The following FBXW7 variants were observed in gnomAD, a reference collection of about 807,000 sequenced individuals.
The protein encoded by FBXW7 is F-box/WD repeat-containing protein 7.
In FBXW7, 11 loss-of-function variants were observed where a neutral mutation model predicts 86.3. The ratio of observed to expected loss-of-function variants is 0.13; its 90% confidence interval spans 0.08 to 0.21. FBXW7 has a LOEUF of 0.21. Among genes scored for constraint, FBXW7 ranks in the 10% least tolerant of loss-of-function variants. The probability of loss-of-function intolerance (pLI) is 1.00; values close to 1 mark genes in which losing one functional copy is unlikely to be tolerated. For synonymous variants in FBXW7, 313 were observed against 297.9 expected (o/e 1.05, Z -0.52); for missense variants, 488 against 847.4 (o/e 0.58, Z 5.27).
intron 2 of FBXW7, among the ~76,000 whole-genome samples, chr4:152,436,293 T>C (rs1228093148): frequency 6.6e-6 from 1 of 152,236 alleles, no homozygotes; most frequent in African/African-American, 2.4e-5. Flanking sequence ...AACCATAACA[T>C]TTCCTTAGAC....
chr4:152,392,387 G>A (rs908730857), intron 4 of FBXW7, among the ~76,000 whole-genome samples: 2 of 152,136 alleles, frequency 1.3e-5, no homozygotes, highest in African/African-American at 4.8e-5. Context: ...TGGCTAAGTA[G>A]TACCTTCAGG....
intron 4 of FBXW7, among the ~76,000 whole-genome samples, chr4:152,395,723 A>G (rs750831214): frequency 6.6e-6 from 1 of 151,968 alleles, no homozygotes; most frequent in African/African-American, 2.4e-5. Context: ...AACTATCGTA[A>G]TTTTGCAATG....
intron 4 of FBXW7, among the ~76,000 whole-genome samples, chr4:152,389,564 A>C (rs1735825992): frequency 1.3e-5 from 2 of 152,204 alleles, no homozygotes; most frequent in Admixed American, 1.3e-4. Context: ...AAGTGTACAC[A>C]TGAACATGGA....
At chr4:152,352,931 T>C (rs1731990381) in intron 4 of FBXW7, 4 of 1,415,362 alleles carry the variant, frequency 2.8e-6, no homozygotes, top group Non-Finnish European at 3.7e-6. Context: ...ATCAATTATA[T>C]GGTGATCCGC....
At chr4:152,474,245 G>A (rs887129340) in intron 2 of FBXW7, among the ~76,000 whole-genome samples, 2 of 152,206 alleles carry the variant, frequency 1.3e-5, no homozygotes, top group African/African-American at 4.8e-5. Flanking sequence ...TGAATTCAGC[G>A]ACTGTATGCT....
intron 4 of FBXW7, among the ~76,000 whole-genome samples, chr4:152,403,511 G>A (rs1230245885): frequency 1.3e-5 from 2 of 151,696 alleles, no homozygotes; most frequent in South Asian, 2.1e-4. Flanking sequence ...GTTTTAAAAC[G>A]GTAGTCACCA....
chr4:152,332,647 T>G lies in FBXW7; in HGVS notation c.934A>C (p.Arg312=). 6.2e-7 allele frequency: 1 copy of G among 1,607,502 alleles called. No individual in the cohort carries two copies. Among genetic ancestry groups the G allele is most frequent in the Non-Finnish European group, 8.5e-7 (1 of 1,175,718 alleles). ...LQAAQTCRYW[R]ILAEDNLLWR... ...AGAAGGTTGTCTTCAGCCAAAATTC[T>G]CCAGTAGCGACATGTCTGAGCTGCT... The change falls in exon 8 of 14, where the codon AGA becomes CGA. Residue 312 remains arginine (R), a synonymous_variant. Coordinates refer to ENST00000281708, the MANE Select transcript of FBXW7 (RefSeq NM_001349798.2).
At chr4:152,346,532 CA>C (rs1330020075) in intron 6 of FBXW7, among the ~76,000 whole-genome samples, 1 of 152,112 alleles carries the variant, frequency 6.6e-6, no homozygotes, top group African/African-American at 2.4e-5. Context: ...TTGAAATAAA[CA>C]GCACATAACA....
chr4:152,441,121 C>G (rs1176084021), intron 2 of FBXW7, among the ~76,000 whole-genome samples: 1 of 152,124 alleles, frequency 6.6e-6, no homozygotes, highest in Non-Finnish European at 1.5e-5. Flanking sequence ...TATTCAGCAA[C>G]TCGAACTTAT....
rs756647667 is a variant in FBXW7 at position 152,411,519 on chromosome 4, T to A, written c.285A>T (p.Gln95His). 2 of 1,613,882 alleles carry A rather than the reference T, an allele frequency of 1.2e-6. No individual in the cohort carries two copies. The highest frequency in any genetic ancestry group is 4.5e-5 in the East Asian group (2 of 44,884). Residue 95 changes from glutamine to histidine, a missense_variant, in exon 4 of 14, where the codon CAA becomes CAT. Around this residue, in one of 4 missense-constraint regions of FBXW7, gnomAD observed 230 missense variants for 240.0 expected, o/e 0.96. Coordinates refer to ENST00000281708, the MANE Select transcript of FBXW7 (RefSeq NM_001349798.2). ...ISVDEDSSGN[Q>H]EEQEEDEEHA... is the part of the protein sequence containing the mutation. ...GTTCTTCATCTTCCTCTTGTTCTTC[T>A]TGGTTTCCTGAGGAGTCCTCATCTA...
At chr4:152,343,896 T>C (rs1013185696) in intron 6 of FBXW7, among the ~76,000 whole-genome samples, 1 of 152,098 alleles carries the variant, frequency 6.6e-6, no homozygotes, top group Non-Finnish European at 1.5e-5. Flanking sequence ...TCCTCTTTTA[T>C]GCAAAATGGA....
intron 7 of FBXW7, among the ~76,000 whole-genome samples, chr4:152,335,037 G>C (rs1729932548): frequency 6.6e-6 from 1 of 152,170 alleles, no homozygotes; most frequent in African/African-American, 2.4e-5. Flanking sequence ...AAGCCAAAAA[G>C]AGAATAGCAA....
intron 2 of FBXW7, among the ~76,000 whole-genome samples, chr4:152,487,394 TAAAC>T (rs975426629): frequency 6.6e-6 from 1 of 151,954 alleles, no homozygotes; most frequent in Non-Finnish European, 1.5e-5. Context: ...GAGGATAAAA[TAAAC>T]AAACTTTAAG....
At chr4:152,369,634 G>A (rs1211502603) in intron 4 of FBXW7, among the ~76,000 whole-genome samples, 8 of 151,934 alleles carry the variant, frequency 5.3e-5, no homozygotes, top group Non-Finnish European at 1.0e-4. Flanking sequence ...TTAAAAATAA[G>A]ACTGTTCGGT....
intron 4 of FBXW7, among the ~76,000 whole-genome samples, chr4:152,353,711 A>G (rs952230840): frequency 6.6e-6 from 1 of 152,180 alleles, no homozygotes; most frequent in African/African-American, 2.4e-5. Flanking sequence ...CATTTTACAT[A>G]ATAAAGATGC....
intron 4 of FBXW7, among the ~76,000 whole-genome samples, chr4:152,369,695 TATC>T (rs1413267420): frequency 1.3e-5 from 2 of 152,072 alleles, no homozygotes; most frequent in African/African-American, 2.4e-5. Context: ...CTGTAAAAAT[TATC>T]ATAAACATTC....
chr4:152,412,788 A>T (rs35961147), intron 2 of FBXW7, among the ~76,000 whole-genome samples: 2,476 of 152,224 alleles, frequency 0.016, 46 homozygotes, highest in Non-Finnish European at 0.025. Flanking sequence ...TATGATTTTT[A>T]AACTGTATGA....
At chr4:152,462,504 T>C (rs1286704466) in intron 2 of FBXW7, among the ~76,000 whole-genome samples, 1 of 152,228 alleles carries the variant, frequency 6.6e-6, no homozygotes, top group South Asian at 2.1e-4. Flanking sequence ...ATCTTACTTA[T>C]TGCTTCCATG....
intron 2 of FBXW7, among the ~76,000 whole-genome samples, chr4:152,441,932 T>C (rs1372860699): frequency 1.3e-5 from 2 of 152,186 alleles, no homozygotes; most frequent in African/African-American, 4.8e-5. Flanking sequence ...TAACACGATT[T>C]TTATTCACTC....
Sources: gnomAD v4.1 joint callset for allele counts (sites outside exome capture counted in the v4.1 genomes callset) on GRCh38, gnomAD v4.1.1 for gene constraint, gnomAD v4.1.1 regional missense constraint, MANE v1.5 for transcripts, NCBI Gene and HGNC (gene_info 2026-07-23, HGNC 2026-07-21) for gene names.